TXNDC12: variants seen among roughly 807,000 people sequenced by gnomAD.
TXNDC12 encodes thioredoxin domain-containing protein 12.
In TXNDC12, 22 loss-of-function variants were observed where a neutral mutation model predicts 24.2. The observed-to-expected ratio is 0.91, with a 90% CI of 0.65 to 1.30. TXNDC12 has a LOEUF of 1.30. TXNDC12 is among the 50% of genes most tolerant of loss of function. TXNDC12 has a pLI of 0.00. For synonymous variants in TXNDC12, 58 were observed against 73.4 expected (o/e 0.79, Z 1.07); for missense variants, 184 against 205.8 (o/e 0.89, Z 0.65).
intron 2 of TXNDC12, among the ~76,000 whole-genome samples, chr1:52,031,732 G>GA (rs1185844271): frequency 1.3e-5 from 2 of 152,048 alleles, no homozygotes; most frequent in Non-Finnish European, 2.9e-5. Flanking sequence ...CTCGATTTTG[G>GA]ACTCCCAAAG....
chr1:52,024,477 C>T, intron 5 of TXNDC12, 33 bp downstream of exon 5: 1 of 1,545,604 alleles, frequency 6.5e-7, no homozygotes, highest in Non-Finnish European at 8.9e-7. Context: ...CCATCCACAT[C>T]ATGGATTCCC....
At chr1:52,033,953 A>G in intron 2 of TXNDC12, 1 of 1,422,518 alleles carries the variant, frequency 7.0e-7, no homozygotes, top group Non-Finnish European at 9.1e-7. Context: ...AGATACAGAG[A>G]CTATAATGGC....
At chr1:52,041,277 G>A (rs1685984048) in intron 2 of TXNDC12, among the ~76,000 whole-genome samples, 1 of 151,776 alleles carries the variant, frequency 6.6e-6, no homozygotes, top group Non-Finnish European at 1.5e-5. Context: ...AGCTTGCAGT[G>A]AGCCGAGATC....
intron 1 of TXNDC12, among the ~76,000 whole-genome samples, chr1:52,051,311 A>C (rs979993942): frequency 1.3e-5 from 2 of 152,166 alleles, no homozygotes; most frequent in South Asian, 4.1e-4. Context: ...TCATTGATTA[A>C]TTGGTTGTCA....
intron 3 of TXNDC12, among the ~76,000 whole-genome samples, chr1:52,027,732 A>G (rs1373518903): frequency 6.7e-6 from 1 of 149,110 alleles, no homozygotes; most frequent in Non-Finnish European, 1.5e-5. Context: ...GTATGTGTGT[A>G]TATATGTTAT....
intron 6 of TXNDC12, among the ~76,000 whole-genome samples, chr1:52,022,795 C>A (rs908679518): frequency 3.7e-4 from 56 of 151,672 alleles, no homozygotes; most frequent in Admixed American, 1.1e-3. Flanking sequence ...CACCTGCCAC[C>A]ACGCCAGCTA....
intron 2 of TXNDC12, 100 bp from the exon 3 acceptor site, chr1:52,028,730 A>C (rs1042308171): frequency 1.1e-6 from 1 of 906,542 alleles, no homozygotes; most frequent in African/African-American, 1.7e-5. Context: ...TATTATTTCA[A>C]TTGGGAAAAT....
At chr1:52,023,862 T>C (rs143430251) in intron 5 of TXNDC12, among the ~76,000 whole-genome samples, 63 of 152,290 alleles carry the variant, frequency 4.1e-4, no homozygotes, top group Admixed American at 1.2e-3. Flanking sequence ...TATTATTCCA[T>C]TGCCTTAGGT....
intron 1 of TXNDC12, among the ~76,000 whole-genome samples, chr1:52,043,040 G>A (rs887230837): frequency 2.0e-5 from 3 of 152,234 alleles, no homozygotes; most frequent in Non-Finnish European, 4.4e-5. Flanking sequence ...TGGGATTACA[G>A]GCATGAGCCA....
chr1:52,039,196 T>C (rs2124379842), intron 2 of TXNDC12, among the ~76,000 whole-genome samples: 1 of 151,462 alleles, frequency 6.6e-6, no homozygotes, highest in East Asian at 1.9e-4. Context: ...TTTCTTGTAA[T>C]GTCATGAGCA....
At chr1:52,025,266 T>C (rs993388323) in intron 4 of TXNDC12, among the ~76,000 whole-genome samples, 1 of 152,076 alleles carries the variant, frequency 6.6e-6, no homozygotes, top group Non-Finnish European at 1.5e-5. Flanking sequence ...TCGCCCAGGC[T>C]GGAGTGCAGT....
At chr1:52,050,178 T>A (rs1391410340) in intron 1 of TXNDC12, among the ~76,000 whole-genome samples, 1 of 152,226 alleles carries the variant, frequency 6.6e-6, no homozygotes, top group Non-Finnish European at 1.5e-5. Context: ...CAAAGCAGAA[T>A]GGGAACACCA....
At chr1:52,022,343 A>G (rs1685609658) in intron 6 of TXNDC12, among the ~76,000 whole-genome samples, 1 of 152,196 alleles carries the variant, frequency 6.6e-6, no homozygotes, top group Non-Finnish European at 1.5e-5. Flanking sequence ...GACTGTGCTC[A>G]AAGATTAGAG....
At chr1:52,034,373 T>C (rs1406540798) in intron 2 of TXNDC12, among the ~76,000 whole-genome samples, 1 of 152,194 alleles carries the variant, frequency 6.6e-6, no homozygotes, top group East Asian at 1.9e-4. Context: ...GAGAAATCAC[T>C]GAAGACTTTA....
At chr1:52,025,019 C>T (rs1324140456) in intron 4 of TXNDC12, among the ~76,000 whole-genome samples, 1 of 152,174 alleles carries the variant, frequency 6.6e-6, no homozygotes, top group Non-Finnish European at 1.5e-5. Context: ...TTCTAAAATA[C>T]TTATTTTCTG....
rs3753197 is a variant in TXNDC12, at chr1:52,028,362, C to T, written c.211+216G>A. 9.1e-3 allele frequency among the ~76,000 whole-genome samples: 1,379 copies of T among 152,240 alleles called. 18 individuals carry two copies. Among genetic ancestry groups the T allele is most frequent in the South Asian group, 0.058 (279 of 4,832 alleles). ...TGACATTTTAGCACTTAATCCCATA[C>T]GTGACATAACTGTATCTTAATCACC... On this transcript the variant is annotated intron_variant, in intron 3 of 6. Coordinates refer to ENST00000371626, the MANE Select transcript of TXNDC12 (RefSeq NM_015913.4).
In TXNDC12 at chr1:52,055,108, C is replaced by T; in HGVS notation, c.-12G>A. The T allele has an allele frequency of 6.2e-7, 1 of 1,606,562 alleles. No individual in the cohort carries two copies. Among genetic ancestry groups the T allele is most frequent in the Non-Finnish European group, 8.5e-7 (1 of 1,173,454 alleles). ...GGCCGCGTCTCCATGGCAGTAGGTGCGCGGGGCCACGGGGCTGAGCGGACG... is the reference window on the plus strand; with the variant it reads ...GGCCGCGTCTCCATGGCAGTAGGTGTGCGGGGCCACGGGGCTGAGCGGACG... On this transcript the variant is annotated 5_prime_UTR_variant, in exon 1 of 7. Transcript: ENST00000371626.
rs1026242206 is a variant in TXNDC12, at chr1:52,028,520, A to T, written c.211+58T>A. 25 of 1,395,412 alleles carry T rather than the reference A, an allele frequency of 1.8e-5. 1 individual carries two copies. The African/African-American group carries it at 3.3e-4, about 18-fold the overall frequency. 86.4% of individuals were successfully genotyped at this position (1,395,412 alleles called of 1,614,324 possible). ...CAGAGTCAGTGCCAATATTTGTTAA[A>T]TGTTAATATTTAACAACACATCTGA... On this transcript the variant is annotated intron_variant, in intron 3 of 6. Coordinates refer to ENST00000371626, the MANE Select transcript of TXNDC12 (RefSeq NM_015913.4).
intron 4 of TXNDC12, among the ~76,000 whole-genome samples, chr1:52,026,637 C>T (rs764416153): frequency 5.3e-5 from 8 of 152,154 alleles, no homozygotes; most frequent in East Asian, 1.9e-4. Flanking sequence ...TGCTGGCTCA[C>T]GCCTGTAATC....
Sources: gnomAD v4.1 joint callset for allele counts (sites outside exome capture counted in the v4.1 genomes callset) on GRCh38, gnomAD v4.1.1 for gene constraint, MANE v1.5 for transcripts, NCBI Gene and HGNC (gene_info 2026-07-23, HGNC 2026-07-21) for gene names.